The following LRRC69 variants were observed in gnomAD, a reference collection of about 807,000 sequenced individuals.
LRRC69 encodes the protein leucine-rich repeat-containing protein 69.
In LRRC69, 42 loss-of-function variants were observed where a neutral mutation model predicts 37.8. The ratio of observed to expected loss-of-function variants is 1.11; its 90% CI spans 0.87 to 1.44. LRRC69 has a LOEUF of 1.44. LRRC69 is among the 40% of genes most tolerant of loss of function. The probability of loss-of-function intolerance (pLI) is 0.00; values close to 1 mark genes in which losing one functional copy is unlikely to be tolerated. For synonymous variants in LRRC69, 141 were observed against 143.1 expected (o/e 0.99, Z 0.11); for missense variants, 357 against 401.9 (o/e 0.89, Z 0.96).
intron 6 of LRRC69, among the ~76,000 whole-genome samples, chr8:91,192,427 T>A (rs1809514716): frequency 6.6e-6 from 1 of 151,842 alleles, no homozygotes; most frequent in Admixed American, 6.6e-5. Flanking sequence ...CCACACTGAC[T>A]TCCACAATGG....
chr8:91,189,377 A>G (rs1809454960), intron 5 of LRRC69, 145 bp from the exon 6 acceptor site: 3 of 603,320 alleles, frequency 5.0e-6, no homozygotes, highest in Non-Finnish European at 8.6e-6. Flanking sequence ...AAATTACTTT[A>G]TTTAGGACTT....
chr8:91,155,104 T>G (rs1226248584), intron 5 of LRRC69, among the ~76,000 whole-genome samples: 1 of 151,486 alleles, frequency 6.6e-6, no homozygotes, highest in Non-Finnish European at 1.5e-5. Context: ...AGCCAAATCA[T>G]GAATGAACTT....
At chr8:91,173,436 A>G (rs1809168609) in intron 5 of LRRC69, among the ~76,000 whole-genome samples, 1 of 152,060 alleles carries the variant, frequency 6.6e-6, no homozygotes, top group Non-Finnish European at 1.5e-5. Flanking sequence ...CTATTTATGT[A>G]TTATTTTAAA....
intron 3 of LRRC69, among the ~76,000 whole-genome samples, chr8:91,132,444 G>A (rs927601074): frequency 1.3e-5 from 2 of 151,784 alleles, no homozygotes; most frequent in African/African-American, 4.8e-5. Flanking sequence ...CCCTCTTATT[G>A]CCCTATTTTA....
chr8:91,117,276 T>C (rs149624234), intron 1 of LRRC69, among the ~76,000 whole-genome samples: 1 of 152,176 alleles, frequency 6.6e-6, no homozygotes, highest in East Asian at 1.9e-4. Flanking sequence ...TTTTGCTATG[T>C]AATGCTACAG....
At chr8:91,105,252 G>GA (rs944663748) in intron 1 of LRRC69, among the ~76,000 whole-genome samples, 99 of 148,120 alleles carry the variant, frequency 6.7e-4, no homozygotes, top group South Asian at 1.5e-3. Flanking sequence ...TGGAATTTTG[G>GA]AAAAAAAAAC....
rs1022079732 is a variant in LRRC69, at chr8:91,111,188, G to A, written c.183+8344G>A. Among the ~76,000 whole-genome samples, 11 of 152,008 alleles carry A rather than the reference G, an allele frequency of 7.2e-5. 1 individual carries two copies. The highest frequency in any genetic ancestry group is 2.9e-5 in the Non-Finnish European group (2 of 68,014). ...CATAAATGCCCATCAGTGATATGCT[G>A]GATAAAGAAAATGTGGTACATATAT... On this transcript the variant is annotated intron_variant, in intron 1 of 7. Transcript: ENST00000448384.
intron 5 of LRRC69, among the ~76,000 whole-genome samples, chr8:91,181,149 A>G (rs1034041116): frequency 1.3e-5 from 2 of 152,312 alleles, no homozygotes; most frequent in Admixed American, 6.5e-5. Context: ...ATTAAGATTC[A>G]AGAGTAGAAC....
intron 6 of LRRC69, among the ~76,000 whole-genome samples, chr8:91,194,640 TGTTTGTAGTATTCTCTGATGGTA>T (rs1301953036): frequency 6.6e-6 from 1 of 151,984 alleles, no homozygotes; most frequent in Non-Finnish European, 1.5e-5. Context: ...TGCGTAGAGG[TGTTTGTAGTATTCTCTGATGGTA>T]GTTTGTATTT....
intron 5 of LRRC69, among the ~76,000 whole-genome samples, chr8:91,147,704 T>A (rs1451301689): frequency 6.6e-6 from 1 of 151,908 alleles, no homozygotes; most frequent in Non-Finnish European, 1.5e-5. Context: ...ATTCCTATTT[T>A]AAAATTTATT....
At chr8:91,209,660 A>T (rs1809870197) in intron 7 of LRRC69, 1 of 152,160 alleles carries the variant, frequency 6.6e-6, no homozygotes, top group Non-Finnish European at 1.5e-5. Context: ...AGGATGTAAA[A>T]TTAGTCTGTC....
intron 7 of LRRC69, chr8:91,206,794 G>A (rs1381326451): frequency 1.4e-5 from 18 of 1,289,568 alleles, no homozygotes; most frequent in East Asian, 1.1e-4. Flanking sequence ...CTCAATTAAT[G>A]TCCAAAATAA....
intron 5 of LRRC69, among the ~76,000 whole-genome samples, chr8:91,160,363 T>A (rs1177949953): frequency 1.3e-5 from 2 of 150,974 alleles, no homozygotes; most frequent in African/African-American, 4.8e-5. Context: ...ACTTCTTGTT[T>A]CTTAATTTCA....
At chr8:91,124,693 T>A in intron 2 of LRRC69, 74 bp downstream of exon 2, 1 of 1,295,122 alleles carries the variant, frequency 7.7e-7, no homozygotes, top group Admixed American at 3.4e-5. Flanking sequence ...GAGACTGAAA[T>A]GAAAAAGAAT....
At chr8:91,219,248 T>C (rs894527164), downstream of LRRC69, 2 of 299,872 alleles carry the variant, frequency 6.7e-6, no homozygotes. Flanking sequence ...AAGATTTGTG[T>C]GGCAAGTGAG....
intron 5 of LRRC69, among the ~76,000 whole-genome samples, chr8:91,154,263 AT>A (rs1808794024): frequency 6.6e-6 from 1 of 151,852 alleles, no homozygotes. Context: ...CCAGGATCAG[AT>A]GGATTCACAG....
intron 5 of LRRC69, among the ~76,000 whole-genome samples, chr8:91,148,333 T>C (rs1372671003): frequency 1.3e-5 from 2 of 151,258 alleles, no homozygotes; most frequent in Non-Finnish European, 2.9e-5. Flanking sequence ...ACATGCAGTG[T>C]TTGGTTTTTT....
chr8:91,113,732 C>T (rs1430453145), intron 1 of LRRC69, among the ~76,000 whole-genome samples: 3 of 151,440 alleles, frequency 2.0e-5, no homozygotes, highest in Non-Finnish European at 4.4e-5. Context: ...AACTAAAAAC[C>T]TGCACAGCAA....
chr8:91,195,506 T>G (rs1394309575), intron 6 of LRRC69, among the ~76,000 whole-genome samples: 3 of 151,354 alleles, frequency 2.0e-5, no homozygotes, highest in Admixed American at 1.3e-4. Context: ...ACTCAGGACT[T>G]GCTTTATGAA....
Sources: allele counts gnomAD v4.1 joint callset (sites outside exome capture counted in the v4.1 genomes callset), GRCh38; gene constraint gnomAD v4.1.1; transcripts MANE v1.5; gene names NCBI Gene and HGNC (gene_info 2026-07-23, HGNC 2026-07-21).